Variants in CDH22 observed in about 807,000 individuals in gnomAD.
CDH22 encodes cadherin 22, also known as cadherin-22.
A neutral mutation model predicts 58.4 loss-of-function variants in CDH22; 30 were observed. The ratio of observed to expected loss-of-function variants is 0.51; its 90% CI spans 0.38 to 0.70. The LOEUF (loss-of-function observed/expected upper bound fraction) is 0.70, where lower values mean the gene tolerates loss of function less well. Among genes scored for constraint, CDH22 ranks in the 30% least tolerant of loss-of-function variants. The probability of loss-of-function intolerance (pLI) is 0.00; values close to 1 mark genes in which losing one functional copy is unlikely to be tolerated. For missense variants in CDH22, 1,014 were observed against 1,233.9 expected (o/e 0.82, Z 2.67); for synonymous variants, 513 against 558.2 (o/e 0.92, Z 1.14).
chr20:46,186,653 C>T lies in CDH22; in HGVS notation c.1598G>A (p.Arg533His), dbSNP rs117065621. Residue 533 changes from arginine to histidine, a missense_variant, in exon 10 of 12, where the codon CGC becomes CAC. Coordinates refer to ENST00000537909, the MANE Select transcript of CDH22 (RefSeq NM_021248.3). ...TTCAGGCACCAGGCGGAAATAGAAG[C>T]GGTGCCCGCCTTGGGGCTCGTCTCT... is the stretch of plus-strand genomic sequence containing the variant. ...VDRDEPQGGH[R>H]FYFRLVPEAP... 3.7e-3 allele frequency: 5,926 copies of T among 1,613,578 alleles called. 21 individuals are homozygous for T. The highest frequency in any genetic ancestry group is 7.3e-3 in the Admixed American group (438 of 60,014).
intron 3 of CDH22, among the ~76,000 whole-genome samples, chr20:46,234,973 A>C (rs1391875826): frequency 6.6e-6 from 1 of 152,262 alleles, no homozygotes; most frequent in African/African-American, 2.4e-5. Flanking sequence ...CTATATATAA[A>C]GTAGGTGCTA....
At position 46,199,530 on chromosome 20, in the gene CDH22, T is replaced by G; in HGVS notation, c.1316A>C (p.Asp439Ala). ...GTCCGCATCGATATCGAAGATCTGG[T>G]CCAAATCTGATTCGCGGTCAATGGC... ...RYAIDRESDL[D>A]QIFDIDADTG... Residue 439 changes from aspartate (D) to alanine (A), a missense_variant, in exon 8 of 12, where the codon GAC (aspartate) becomes GCC (alanine). Physicochemically the swap from Asp to Ala is moderately radical, Grantham distance 126. Around this residue, in one of 2 missense-constraint regions of CDH22, gnomAD observed 806 missense variants for 1,038.7 expected, o/e 0.78. Coordinates refer to ENST00000537909, the MANE Select transcript of CDH22 (RefSeq NM_021248.3). The G allele has an allele frequency of 1.2e-6, 2 of 1,613,884 alleles. No individual in the cohort carries two copies. The highest frequency in any genetic ancestry group is 1.7e-6 in the Non-Finnish European group (2 of 1,179,972).
At chr20:46,266,721 C>A (rs1181215314) in intron 1 of CDH22, among the ~76,000 whole-genome samples, 1 of 152,092 alleles carries the variant, frequency 6.6e-6, no homozygotes, top group Non-Finnish European at 1.5e-5. Context: ...CACTGGGTGA[C>A]CTTGGGCAAG....
intron 8 of CDH22, among the ~76,000 whole-genome samples, chr20:46,197,273 T>C (rs1600691530): frequency 6.6e-6 from 1 of 151,398 alleles, no homozygotes; most frequent in African/African-American, 2.4e-5. Flanking sequence ...ATAAAGTATG[T>C]GCTGGAAAGC....
At chr20:46,206,804 C>T (rs537570166) in intron 7 of CDH22, among the ~76,000 whole-genome samples, 1 of 152,354 alleles carries the variant, frequency 6.6e-6, no homozygotes, top group East Asian at 1.9e-4. Context: ...GGGCAGGGAT[C>T]CTGTTTTATC....
At chr20:46,211,719 C>T (rs192188856) in intron 6 of CDH22, among the ~76,000 whole-genome samples, 1 of 152,004 alleles carries the variant, frequency 6.6e-6, no homozygotes, top group Non-Finnish European at 1.5e-5. Context: ...CTCTGGGCCT[C>T]CAATTCTCCA....
rs758081314 is a variant in CDH22, at chr20:46,227,564, C to T, written c.614G>A (p.Arg205Gln). 8 of 1,612,600 alleles carry T rather than the reference C, an allele frequency of 5.0e-6. No individual in the cohort carries two copies. Among genetic ancestry groups the T allele is most frequent in the East Asian group, 2.2e-5 (1 of 44,834 alleles). Residue 205 changes from arginine (R) to glutamine (Q), a missense_variant, in exon 4 of 12, where the codon CGG becomes CAG. Transcript: ENST00000537909. ...GCCGTCCAGCACGCTGTACACCAGC[C>T]GAGCGCTGCTGCCGTACGTGGGGTC... ...ADDPTYGSSA[R>Q]LVYSVLDGEH... is the part of the protein sequence containing the mutation.
Position 46,238,077 on chromosome 20 carries a change from C to T in CDH22, c.550+2886G>A, listed in dbSNP as rs117841596. ...CCATCCTCAGCCCTTCTCCACAGTG[C>T]AGCAGAGGGAATTTTCCAAAATGCA... On this transcript the variant is annotated intron_variant, in intron 3 of 11. Coordinates refer to ENST00000537909, the MANE Select transcript of CDH22 (RefSeq NM_021248.3). Among the ~76,000 whole-genome samples, 8 of 152,304 alleles carry T rather than the reference C, an allele frequency of 5.3e-5. No individual in the cohort carries two copies. The East Asian group carries it at 1.5e-3, about 29-fold the overall frequency.
intron 1 of CDH22, among the ~76,000 whole-genome samples, chr20:46,279,973 A>G (rs1280234017): frequency 6.6e-6 from 1 of 152,106 alleles, no homozygotes; most frequent in Non-Finnish European, 1.5e-5. Context: ...ATGGATTATA[A>G]TTTCTGTGCT....
Position 46,216,678 on chromosome 20 carries a change from C to T in CDH22, c.838+148G>A, listed in dbSNP as rs1600700899. ...AGGGGGGCTGGGGGATAGCTGGTGG[C>T]TTGGGAGGACAGACAGACAGACAGA... On this transcript the variant is annotated intron_variant, in intron 5 of 11. Transcript: ENST00000537909. This position sits in a 1 kb window ranked among gnomAD's most constrained non-coding sequence, Gnocchi z 5.3. 1.3e-6 allele frequency: 1 copy of T among 786,574 alleles called. No homozygotes were observed. Among genetic ancestry groups the T allele is most frequent in the Non-Finnish European group, 2.1e-6 (1 of 483,128 alleles). The allele number at this position is 786,574 out of a possible 1,614,324, so 48.7% of individuals were successfully genotyped here. A position where few individuals can be genotyped will look rare whatever the true frequency, so the allele number is the denominator to read the frequency against.
chr20:46,257,625 T>C (rs940441681), intron 1 of CDH22, among the ~76,000 whole-genome samples: 1 of 152,188 alleles, frequency 6.6e-6, no homozygotes, highest in Admixed American at 6.5e-5. Context: ...CTTGATGTGT[T>C]ACAATCAGTT....
chr20:46,263,516 G>A (rs1482179211), intron 1 of CDH22, among the ~76,000 whole-genome samples: 1 of 152,006 alleles, frequency 6.6e-6, no homozygotes, highest in African/African-American at 2.4e-5. Context: ...TACCAACTGT[G>A]CCAAGGTCTG....
intron 1 of CDH22, among the ~76,000 whole-genome samples, chr20:46,285,232 C>T (rs985106178): frequency 1.3e-5 from 2 of 152,176 alleles, no homozygotes; most frequent in African/African-American, 2.4e-5. Flanking sequence ...GAATTGTTCT[C>T]GAACAGGCCA....
chr20:46,270,872 G>A (rs112073274), intron 1 of CDH22, among the ~76,000 whole-genome samples: 3,292 of 152,318 alleles, frequency 0.022, 76 homozygotes, highest in African/African-American at 0.056. Context: ...TTCCAGCTTT[G>A]TTGCTACCAA....
chr20:46,174,841 CGCCCCCGCCCGA>C lies in CDH22; in HGVS notation c.2140_2151del (p.Ser714_Gly717del), dbSNP rs755326195. The C allele has an allele frequency of 5.3e-6, 7 of 1,324,264 alleles. No homozygotes were observed. Among genetic ancestry groups the C allele is most frequent in the South Asian group, 2.1e-5 (1 of 46,938 alleles). The allele number at this position is 1,324,264 out of a possible 1,614,324, so 82.0% of individuals were successfully genotyped here. A position where few individuals can be genotyped will look rare whatever the true frequency, so the allele number is the denominator to read the frequency against. On this transcript the variant is annotated inframe_deletion, in exon 12 of 12. Transcript: ENST00000537909. The surrounding 1 kb of genome is among the most constrained non-coding windows in gnomAD (Gnocchi z 4.4). Reference sequence around the variant, plus strand: ...AGGTGGGCCTGCGGGGGGCTGCCCGCGCCCCCGCCCGAGCCCCCGCCCGCTCCCCCGCCCGCG... The same window carrying C: ...AGGTGGGCCTGCGGGGGGCTGCCCGCGCCCCCGCCCGCTCCCCCGCCCGCG...
intron 4 of CDH22, 107 bp downstream of exon 4, chr20:46,227,389 TGCTGTCCTCAGA>T: frequency 1.0e-6 from 1 of 983,286 alleles, no homozygotes; most frequent in Admixed American, 2.1e-5. Context: ...GTGCCCCCTG[TGCTGTCCTCAGA>T]GCTTCTGGGA....
At chr20:46,226,086 C>T (rs535994069) in intron 4 of CDH22, among the ~76,000 whole-genome samples, 3 of 152,150 alleles carry the variant, frequency 2.0e-5, no homozygotes, top group Non-Finnish European at 4.4e-5. Flanking sequence ...ACCCTCTCGA[C>T]GTCACCTCTC....
Position 46,174,920 on chromosome 20 carries a change from G to A in CDH22, c.2073C>T (p.Leu691=). Residue 691 remains leucine (L), a synonymous_variant, in exon 12 of 12, where the codon CTC becomes CTT. Transcript: ENST00000537909. This position sits in a 1 kb window ranked among gnomAD's most constrained non-coding sequence, Gnocchi z 4.4. The stretch of plus-strand genomic sequence containing the variant: ...CGCCCTTGAGCTCGCCGAAGTCGTA[G>A]AGGCTCCGCAGCGCCGACATGTCGT... The part of the protein sequence containing the change: ...EAYDMSALRS[L]YDFGELKGGD... The A allele has an allele frequency of 1.9e-6, 3 of 1,568,208 alleles. No individual in the cohort carries two copies. Among genetic ancestry groups the A allele is most frequent in the Non-Finnish European group, 2.6e-6 (3 of 1,163,772 alleles).
chr20:46,174,710 G>A lies in CDH22; in HGVS notation c.2283C>T (p.Asp761=). ...ISRKVALADG[D]LSVPPYDAFQ... ...AGGCGTCGTAGGGCGGCACCGACAG[G>A]TCCCCGTCCGCCAGTGCCACCTTGC... is the stretch of plus-strand genomic sequence containing the variant. Residue 761 remains aspartate, a synonymous_variant, in exon 12 of 12, where the codon GAC becomes GAT. Coordinates refer to ENST00000537909, the MANE Select transcript of CDH22 (RefSeq NM_021248.3). This position sits in a 1 kb window ranked among gnomAD's most constrained non-coding sequence, Gnocchi z 4.4. 1 of 1,556,322 alleles carries A rather than the reference G, an allele frequency of 6.4e-7. No homozygotes were observed. Among genetic ancestry groups the A allele is most frequent in the Non-Finnish European group, 8.6e-7 (1 of 1,158,708 alleles).
Sources: allele counts gnomAD v4.1 joint callset (sites outside exome capture counted in the v4.1 genomes callset), GRCh38; gene constraint gnomAD v4.1.1; regional missense constraint gnomAD v4.1.1; non-coding constraint Gnocchi (gnomAD v3.1); transcripts MANE v1.5; gene names NCBI Gene and HGNC (gene_info 2026-07-23, HGNC 2026-07-21).